Variants in FNBP1L observed in about 807,000 individuals in gnomAD.
FNBP1L encodes the protein formin-binding protein 1-like.
Under a neutral mutation model 91.2 loss-of-function variants are expected in FNBP1L, and 36 were observed. The observed-to-expected ratio is 0.39, with a 90% CI of 0.30 to 0.52. FNBP1L has a LOEUF of 0.52. FNBP1L is among the 20% of genes least tolerant of loss of function. The pLI is 0.66. For synonymous variants in FNBP1L, 242 were observed against 237.0 expected (o/e 1.02, Z -0.19); for missense variants, 571 against 732.1 (o/e 0.78, Z 2.54).
chr1:93,541,824 TAA>T (rs1330346449), intron 11 of FNBP1L, among the ~76,000 whole-genome samples: 3 of 152,130 alleles, frequency 2.0e-5, no homozygotes, highest in South Asian at 2.1e-4. Flanking sequence ...GAAATAAAGT[TAA>T]GTTTAATTCT....
chr1:93,451,480 C>T (rs1209449899), intron 1 of FNBP1L, among the ~76,000 whole-genome samples: 2 of 151,746 alleles, frequency 1.3e-5, no homozygotes, highest in Admixed American at 1.3e-4. Flanking sequence ...AATTTGCTAC[C>T]CAAGGAAAAT....
At chr1:93,480,302 C>T (rs1358319106) in intron 1 of FNBP1L, among the ~76,000 whole-genome samples, 1 of 152,176 alleles carries the variant, frequency 6.6e-6, no homozygotes, top group Non-Finnish European at 1.5e-5. Flanking sequence ...GTCTGAATAC[C>T]TTGGACACAT....
At chr1:93,469,284 G>A (rs1669202622) in intron 1 of FNBP1L, among the ~76,000 whole-genome samples, 1 of 134,350 alleles carries the variant, frequency 7.4e-6, no homozygotes, top group South Asian at 2.3e-4. Context: ...CCCTCCCTGT[G>A]TCCATGTGTT....
chr1:93,540,948 G>C, intron 10 of FNBP1L, 94 bp from the exon 11 acceptor site: 1 of 1,071,138 alleles, frequency 9.3e-7, no homozygotes, highest in Non-Finnish European at 1.4e-6. Flanking sequence ...ATTTATTTTA[G>C]TATTGTGAAA....
chr1:93,494,607 T>C (rs1670202446), intron 1 of FNBP1L, among the ~76,000 whole-genome samples: 2 of 152,154 alleles, frequency 1.3e-5, no homozygotes, highest in South Asian at 4.1e-4. Flanking sequence ...TTATTATGAA[T>C]AACAAAAGAT....
In FNBP1L at chr1:93,521,045, A is replaced by AAACC. The variant is rs56108498; in HGVS notation, c.141-1001_141-998dup. The stretch of plus-strand genomic sequence containing the variant: ...CGACACAGTGAGACTCCATCTCAAT[A>AAACC]AACCAACCAACCAACCAACCAACCA... On this transcript the variant is annotated intron_variant, in intron 2 of 16. Coordinates refer to ENST00000271234, the MANE Select transcript of FNBP1L (RefSeq NM_001164473.3). Among the ~76,000 whole-genome samples the AAACC allele has an allele frequency of 3.0e-3, 450 of 150,926 alleles. 1 individual carries two copies. The highest frequency in any genetic ancestry group is 0.012 in the South Asian group (58 of 4,748).
intron 1 of FNBP1L, among the ~76,000 whole-genome samples, chr1:93,495,428 A>G (rs1344759683): frequency 2.0e-5 from 3 of 152,252 alleles, no homozygotes; most frequent in African/African-American, 7.2e-5. Context: ...TAAAAAGGAA[A>G]TTGGAATAAG....
At position 93,502,879 on chromosome 1, in the gene FNBP1L, A is replaced by G. The variant is rs149179444; in HGVS notation, c.140+3296A>G. On this transcript the variant is annotated intron_variant, in intron 2 of 16. Transcript: ENST00000271234. ...TTAATTTGAAATGATCTACATTGAG[A>G]TTTGCTGCTTTGGATGACTACTTAG... Among the ~76,000 whole-genome samples the G allele has an allele frequency of 3.3e-5, 5 of 152,262 alleles. No individual in the cohort carries two copies. In the East Asian group the frequency reaches 9.6e-4, roughly 29 times the overall value.
At chr1:93,526,211 C>T (rs1273247268) in intron 5 of FNBP1L, among the ~76,000 whole-genome samples, 3 of 152,050 alleles carry the variant, frequency 2.0e-5, no homozygotes, top group Non-Finnish European at 2.9e-5. Context: ...ATCAGAGATG[C>T]GAGGTCCATC....
At chr1:93,454,779 T>G (rs2101682105) in intron 1 of FNBP1L, among the ~76,000 whole-genome samples, 1 of 152,224 alleles carries the variant, frequency 6.6e-6, no homozygotes, top group East Asian at 1.9e-4. Flanking sequence ...CTAAAAACAA[T>G]ACAGCATAAC....
chr1:93,480,876 T>C (rs189191137), intron 1 of FNBP1L, among the ~76,000 whole-genome samples: 91 of 152,284 alleles, frequency 6.0e-4, no homozygotes, highest in African/African-American at 1.9e-3. Context: ...CTCTTAATTC[T>C]TAAGGAATCA....
At chr1:93,448,785 A>G (rs1557768722) in intron 1 of FNBP1L, among the ~76,000 whole-genome samples, 1 of 152,062 alleles carries the variant, frequency 6.6e-6, no homozygotes, top group Non-Finnish European at 1.5e-5. Context: ...CCGCGGGGCT[A>G]GGGCGTCGCC....
chr1:93,550,435 G>A (rs556184339), intron 15 of FNBP1L, among the ~76,000 whole-genome samples: 103 of 152,292 alleles, frequency 6.8e-4, no homozygotes, highest in African/African-American at 2.4e-3. Context: ...GTTGGGCGTG[G>A]TTGGGGATAG....
chr1:93,498,790 C>T (rs1670350577), intron 1 of FNBP1L, among the ~76,000 whole-genome samples: 3 of 152,262 alleles, frequency 2.0e-5, no homozygotes, highest in East Asian at 3.9e-4. Context: ...ATCATGTTTC[C>T]TGCATTGCAG....
rs114628759 is a variant in FNBP1L at position 93,502,852 on chromosome 1, G to A, written c.140+3269G>A. ...GTAATGAAGAGTTGAGAGAAGGCAT[G>A]TTTAATTTGAAATGATCTACATTGA... On this transcript the variant is annotated intron_variant, in intron 2 of 16. Transcript: ENST00000271234. 9.2e-3 allele frequency among the ~76,000 whole-genome samples: 1,402 copies of A among 152,264 alleles called. 21 individuals are homozygous for A. Among genetic ancestry groups the A allele is most frequent in the African/African-American group, 0.032 (1,335 of 41,544 alleles).
At chr1:93,479,683 C>A (rs1669623010) in intron 1 of FNBP1L, among the ~76,000 whole-genome samples, 2 of 152,182 alleles carry the variant, frequency 1.3e-5, no homozygotes, top group African/African-American at 4.8e-5. Flanking sequence ...ATCTCTCCTA[C>A]TTGCACATTG....
chr1:93,483,241 C>T (rs1200231272), intron 1 of FNBP1L, among the ~76,000 whole-genome samples: 5 of 150,416 alleles, frequency 3.3e-5, no homozygotes, highest in South Asian at 2.1e-4. Context: ...ACCACCCTAC[C>T]GGGTCACAGG....
chr1:93,536,640 A>C, intron 10 of FNBP1L, 150 bp downstream of exon 10: 3 of 641,106 alleles, frequency 4.7e-6, no homozygotes, highest in Non-Finnish European at 2.4e-6. Flanking sequence ...TCAAGTTAAA[A>C]ACAACTCCTC....
chr1:93,470,889 A>AAT (rs1458536336), intron 1 of FNBP1L, among the ~76,000 whole-genome samples: 4 of 151,646 alleles, frequency 2.6e-5, no homozygotes, highest in African/African-American at 9.7e-5. Flanking sequence ...AAAAAAAAAA[A>AAT]GTCCAGGAAA....
Sources: gnomAD v4.1 joint callset for allele counts (sites outside exome capture counted in the v4.1 genomes callset) on GRCh38, gnomAD v4.1.1 for gene constraint, MANE v1.5 for transcripts, NCBI Gene and HGNC (gene_info 2026-07-23, HGNC 2026-07-21) for gene names.